Variants in PLCL1 observed in about 807,000 individuals in gnomAD.
PLCL1 encodes the protein phospholipase C like 1 (inactive), also known as inactive phospholipase C-like protein 1.
A neutral mutation model predicts 84.4 loss-of-function variants in PLCL1; 41 were observed. That is an observed-to-expected ratio of 0.49 (90% CI 0.38 to 0.63). PLCL1 has a LOEUF of 0.63. PLCL1 is among the 30% of genes least tolerant of loss of function. The probability of loss-of-function intolerance (pLI) is 0.00; values close to 1 mark genes in which losing one functional copy is unlikely to be tolerated. For missense variants in PLCL1, 1,206 were observed against 1,367.8 expected, an observed-to-expected ratio of 0.88 and a Z score of 1.87; for synonymous variants, 490 against 488.3, an observed-to-expected ratio of 1.00 and a Z score of -0.05.
intron 1 of PLCL1, among the ~76,000 whole-genome samples, chr2:197,884,254 A>G (rs1214417119): frequency 2.6e-5 from 4 of 152,208 alleles, no homozygotes; most frequent in African/African-American, 4.8e-5. Flanking sequence ...CATTCTCAGC[A>G]CGAGTTCTAT....
At chr2:197,868,687 A>G (rs1428943815) in intron 1 of PLCL1, among the ~76,000 whole-genome samples, 2 of 144,386 alleles carry the variant, frequency 1.4e-5, no homozygotes, top group Non-Finnish European at 3.0e-5. Flanking sequence ...TTTTTTTTTT[A>G]GTAGAGATAA....
intron 1 of PLCL1, among the ~76,000 whole-genome samples, chr2:197,845,369 T>C (rs574350632): frequency 1.2e-3 from 181 of 152,134 alleles, no homozygotes; most frequent in African/African-American, 4.3e-3. Context: ...GGAAGAAAGA[T>C]AGGACATTTG....
At chr2:197,954,619 AGGC>A (rs1029427910) in intron 1 of PLCL1, among the ~76,000 whole-genome samples, 5 of 152,054 alleles carry the variant, frequency 3.3e-5, no homozygotes, top group African/African-American at 1.2e-4. Flanking sequence ...ATAGTTTTGG[AGGC>A]GCTTCTTTGC....
At chr2:197,932,790 T>C (rs1437802628) in intron 1 of PLCL1, among the ~76,000 whole-genome samples, 1 of 152,112 alleles carries the variant, frequency 6.6e-6, no homozygotes, top group Non-Finnish European at 1.5e-5. Context: ...AGTAAATTGG[T>C]ATTAAAGCAG....
chr2:198,008,872 TA>T (rs1690798107), intron 1 of PLCL1, among the ~76,000 whole-genome samples: 1 of 152,066 alleles, frequency 6.6e-6, no homozygotes, highest in South Asian at 2.1e-4. Context: ...CTTGGTATTT[TA>T]CGCTCTTTTG....
intron 5 of PLCL1, among the ~76,000 whole-genome samples, chr2:198,105,787 T>C (rs1344791810): frequency 2.0e-5 from 3 of 151,950 alleles, no homozygotes; most frequent in Non-Finnish European, 2.9e-5. Flanking sequence ...GGATTTTTAT[T>C]TTAAGAACAG....
chr2:198,012,490 G>A (rs1690891557), intron 1 of PLCL1, among the ~76,000 whole-genome samples: 1 of 151,938 alleles, frequency 6.6e-6, no homozygotes, highest in Admixed American at 6.6e-5. Flanking sequence ...ACATATGGTT[G>A]GATCTTATTT....
At chr2:197,899,780 C>T (rs192749048) in intron 1 of PLCL1, among the ~76,000 whole-genome samples, 98 of 151,604 alleles carry the variant, frequency 6.5e-4, no homozygotes, top group African/African-American at 2.2e-3. Flanking sequence ...GGACTACAGG[C>T]GCCCGCTACC....
At chr2:198,033,790 T>TA (rs1437964687) in intron 1 of PLCL1, among the ~76,000 whole-genome samples, 1 of 152,138 alleles carries the variant, frequency 6.6e-6, no homozygotes, top group Non-Finnish European at 1.5e-5. Flanking sequence ...TTCCAGTCTC[T>TA]ACCCCCTCAA....
intron 5 of PLCL1, among the ~76,000 whole-genome samples, chr2:198,112,778 A>G (rs1006365660): frequency 2.0e-5 from 3 of 151,892 alleles, no homozygotes; most frequent in African/African-American, 7.2e-5. Context: ...GAGGGGCAAA[A>G]TAGGGATGAA....
rs149886249 is a variant in PLCL1, at chr2:197,832,742, G to A, written c.240+27403G>A. On this transcript the variant is annotated intron_variant, in intron 1 of 5. Coordinates refer to ENST00000428675, the MANE Select transcript of PLCL1 (RefSeq NM_006226.4). Reference sequence around the variant, plus strand: ...CAGTATACCTGATGAACATCAATGCGAAAATCCTCAATAAAATACTGGCAA... The same window carrying A: ...CAGTATACCTGATGAACATCAATGCAAAAATCCTCAATAAAATACTGGCAA... 6.8e-3 allele frequency among the ~76,000 whole-genome samples: 1,035 copies of A among 152,248 alleles called. 12 individuals are homozygous for A. Among genetic ancestry groups the A allele is most frequent in the African/African-American group, 0.024 (990 of 41,536 alleles).
intron 1 of PLCL1, among the ~76,000 whole-genome samples, chr2:198,002,403 G>A (rs755450993): frequency 6.6e-6 from 1 of 152,042 alleles, no homozygotes; most frequent in Non-Finnish European, 1.5e-5. Context: ...AATAAATAGT[G>A]ACAAATAATT....
chr2:197,997,209 C>A (rs752437963), intron 1 of PLCL1, among the ~76,000 whole-genome samples: 1 of 152,232 alleles, frequency 6.6e-6, no homozygotes, highest in Non-Finnish European at 1.5e-5. Context: ...AGAGTCCGCT[C>A]CCATTTTCTC....
intron 1 of PLCL1, among the ~76,000 whole-genome samples, chr2:198,042,553 A>C (rs959870750): frequency 6.6e-6 from 1 of 152,210 alleles, no homozygotes; most frequent in East Asian, 1.9e-4. Context: ...TATTCAGTGC[A>C]GATTCAGTGA....
chr2:198,094,264 T>C (rs575284098), intron 3 of PLCL1, among the ~76,000 whole-genome samples: 2 of 152,258 alleles, frequency 1.3e-5, no homozygotes, highest in East Asian at 3.9e-4. Context: ...GGTTTCACCA[T>C]GTTAGCCAGG....
intron 1 of PLCL1, among the ~76,000 whole-genome samples, chr2:197,937,659 G>A (rs1689077143): frequency 1.3e-5 from 2 of 152,188 alleles, no homozygotes; most frequent in African/African-American, 4.8e-5. Context: ...TTGAAATGTT[G>A]CAGAGATTGT....
At chr2:197,914,933 A>G (rs1041525462) in intron 1 of PLCL1, among the ~76,000 whole-genome samples, 5 of 152,172 alleles carry the variant, frequency 3.3e-5, no homozygotes, top group African/African-American at 1.2e-4. Flanking sequence ...ACAGTGTCTG[A>G]GAAGGGCATG....
chr2:198,062,202 G>A (rs541648871), intron 1 of PLCL1, among the ~76,000 whole-genome samples: 1 of 152,152 alleles, frequency 6.6e-6, no homozygotes, highest in East Asian at 1.9e-4. Flanking sequence ...TCATTTACAC[G>A]TTATTTTTTT....
chr2:198,139,774 T>C (rs1296616640), intron 5 of PLCL1, among the ~76,000 whole-genome samples: 8 of 152,096 alleles, frequency 5.3e-5, no homozygotes, highest in African/African-American at 1.9e-4. Flanking sequence ...GATAAGTGAA[T>C]AAAATGAAAA....
Sources: allele counts gnomAD v4.1 joint callset (sites outside exome capture counted in the v4.1 genomes callset), GRCh38; gene constraint gnomAD v4.1.1; transcripts MANE v1.5; gene names NCBI Gene and HGNC (gene_info 2026-07-23, HGNC 2026-07-21).